SOS1: variants seen among roughly 807,000 people sequenced by gnomAD.
SOS1 encodes the protein son of sevenless homolog 1.
In SOS1, 25 loss-of-function variants were observed where a neutral mutation model predicts 157.6. That is an observed-to-expected ratio of 0.16 (90% CI 0.12 to 0.22). The LOEUF is 0.22. Among genes scored for constraint, SOS1 ranks in the 10% least tolerant of loss-of-function variants. The probability of loss-of-function intolerance (pLI) is 1.00; values close to 1 mark genes in which losing one functional copy is unlikely to be tolerated. For missense variants in SOS1, 1,237 were observed against 1,599.1 expected, an observed-to-expected ratio of 0.77 and a Z score of 3.86; for synonymous variants, 528 against 534.0, an observed-to-expected ratio of 0.99 and a Z score of 0.16.
intron 17 of SOS1, among the ~76,000 whole-genome samples, chr2:38,998,976 G>A (rs1022154693): frequency 2.0e-5 from 3 of 152,330 alleles, no homozygotes; most frequent in Admixed American, 6.5e-5. Flanking sequence ...GGCTACTACA[G>A]TATAATTTGC....
At chr2:39,073,688 T>C (rs1671864824) in intron 1 of SOS1, among the ~76,000 whole-genome samples, 1 of 152,178 alleles carries the variant, frequency 6.6e-6, no homozygotes, top group African/African-American at 2.4e-5. Context: ...GGCAAAGGGA[T>C]TTAGGTGTAT....
chr2:39,100,021 CTG>C (rs983768160), intron 1 of SOS1, among the ~76,000 whole-genome samples: 6 of 152,166 alleles, frequency 3.9e-5, no homozygotes, highest in African/African-American at 1.4e-4. Context: ...CCGGCCAAGA[CTG>C]TTTTTTTCTG....
intron 1 of SOS1, among the ~76,000 whole-genome samples, chr2:39,118,702 C>T (rs1673751106): frequency 6.6e-6 from 1 of 152,306 alleles, no homozygotes; most frequent in African/African-American, 2.4e-5. Flanking sequence ...ACAAGACCTT[C>T]CTATTCTTCA....
At chr2:39,053,297 T>C (rs1163212799) in intron 5 of SOS1, among the ~76,000 whole-genome samples, 3 of 152,244 alleles carry the variant, frequency 2.0e-5, no homozygotes, top group Non-Finnish European at 4.4e-5. Flanking sequence ...ATTTACATTT[T>C]AGCCTTTCAA....
Position 38,998,091 on chromosome 2 carries a change from C to T in SOS1, c.2792-666G>A, listed in dbSNP as rs1572807512. 3.9e-5 allele frequency among the ~76,000 whole-genome samples: 6 copies of T among 152,150 alleles called. No individual in the cohort carries two copies. The East Asian group carries it at 1.2e-3, about 29-fold the overall frequency. ...CTTCAATAGTTTGTAGACTTAGTGG[C>T]AACCTAGTAATTGATTTCCTGTTTC... On this transcript the variant is annotated intron_variant, in intron 17 of 22. Coordinates refer to ENST00000402219, the MANE Select transcript of SOS1 (RefSeq NM_005633.4).
At chr2:39,048,924 T>A (rs1343023591) in intron 6 of SOS1, among the ~76,000 whole-genome samples, 1 of 152,138 alleles carries the variant, frequency 6.6e-6, no homozygotes, top group African/African-American at 2.4e-5. Flanking sequence ...TCTCAGTGTA[T>A]CCTTATTACT....
intron 17 of SOS1, among the ~76,000 whole-genome samples, chr2:39,000,420 AG>A (rs1279093802): frequency 6.6e-6 from 1 of 152,206 alleles, no homozygotes; most frequent in Non-Finnish European, 1.5e-5. Flanking sequence ...AGTAAAGCTT[AG>A]GTTTTTTTTT....
intron 1 of SOS1, among the ~76,000 whole-genome samples, chr2:39,101,189 G>A (rs1283957209): frequency 6.6e-6 from 1 of 152,114 alleles, no homozygotes; most frequent in Admixed American, 6.6e-5. Flanking sequence ...GAGGGGAAGT[G>A]TGTCACACTC....
At chr2:39,065,619 T>C (rs1671564581) in intron 2 of SOS1, among the ~76,000 whole-genome samples, 1 of 152,194 alleles carries the variant, frequency 6.6e-6, no homozygotes, top group Non-Finnish European at 1.5e-5. Context: ...TCTAGTACCC[T>C]TTTCTCTCCA....
chr2:39,073,738 T>C (rs1193402433), intron 1 of SOS1, among the ~76,000 whole-genome samples: 5 of 152,254 alleles, frequency 3.3e-5, no homozygotes, highest in Non-Finnish European at 7.3e-5. Flanking sequence ...TCTCCAAGTG[T>C]ATTCAAGAAC....
chr2:39,000,683 G>A (rs575701176), intron 17 of SOS1, among the ~76,000 whole-genome samples: 5 of 152,270 alleles, frequency 3.3e-5, no homozygotes, highest in African/African-American at 1.2e-4. Flanking sequence ...CTACAATACA[G>A]TGTTATGCTT....
At chr2:39,007,494 G>GTCTTTGTGAGA (rs1406490934) in intron 15 of SOS1, 17 of 309,980 alleles carry the variant, frequency 5.5e-5, no homozygotes, top group African/African-American at 3.6e-4. Flanking sequence ...ATGTATGGAG[G>GTCTTTGTGAGA]TCTTTGTGAG....
At chr2:39,023,696 A>G in intron 9 of SOS1, 1 of 311,862 alleles carries the variant, frequency 3.2e-6, no homozygotes, top group Non-Finnish European at 6.0e-6. Flanking sequence ...AATAAAGGAC[A>G]CTAATAATTT....
intron 1 of SOS1, among the ~76,000 whole-genome samples, chr2:39,071,623 A>G (rs1671796937): frequency 6.6e-6 from 1 of 152,256 alleles, no homozygotes; most frequent in South Asian, 2.1e-4. Flanking sequence ...TTTTAAAAAT[A>G]TCACAGGCCT....
intron 6 of SOS1, among the ~76,000 whole-genome samples, chr2:39,045,209 G>A (rs1003707238): frequency 2.0e-5 from 3 of 147,558 alleles, no homozygotes; most frequent in Non-Finnish European, 4.5e-5. Flanking sequence ...TGGATATGGA[G>A]GGCTAATTGA....
At chr2:39,093,208 T>C (rs1355985317) in intron 1 of SOS1, among the ~76,000 whole-genome samples, 2 of 152,222 alleles carry the variant, frequency 1.3e-5, no homozygotes, top group Non-Finnish European at 2.9e-5. Flanking sequence ...TTCTTCCGTA[T>C]GTGAATAATT....
intron 1 of SOS1, among the ~76,000 whole-genome samples, chr2:39,089,594 G>A (rs1182825719): frequency 2.0e-5 from 3 of 150,346 alleles, no homozygotes; most frequent in South Asian, 2.1e-4. Context: ...AATGACCAAC[G>A]CTGCAACAAT....
chr2:39,016,683 C>T (rs1035457038), intron 10 of SOS1, among the ~76,000 whole-genome samples: 1 of 152,022 alleles, frequency 6.6e-6, no homozygotes, highest in East Asian at 1.9e-4. Context: ...GCATCCTTGA[C>T]CTGTGTTCCA....
At chr2:38,987,346 G>T in intron 22 of SOS1, 127 bp downstream of exon 22, 1 of 687,560 alleles carries the variant, frequency 1.5e-6, no homozygotes, top group African/African-American at 1.8e-5. Flanking sequence ...TGTAATCCTT[G>T]TTTAAACTAT....
Sources: allele counts gnomAD v4.1 joint callset (sites outside exome capture counted in the v4.1 genomes callset), GRCh38; gene constraint gnomAD v4.1.1; transcripts MANE v1.5; gene names NCBI Gene and HGNC (gene_info 2026-07-23, HGNC 2026-07-21).